CCDC171: variants seen among roughly 807,000 people sequenced by gnomAD.
CCDC171 encodes coiled-coil domain-containing protein 171.
CCDC171 carries 177 observed loss-of-function variants against 168.2 expected under a neutral mutation model. The observed-to-expected ratio is 1.05, with a 90% CI of 0.93 to 1.19. The LOEUF is 1.19. Ranked by LOEUF, CCDC171 falls within the 50% of genes most tolerant of loss-of-function variation. The pLI is 0.00. For missense variants in CCDC171, 1,991 were observed against 1,539.0 expected (o/e 1.29, Z -4.91); for synonymous variants, 687 against 540.8 (o/e 1.27, Z -3.75).
chr9:15,906,169 T>C (rs1822569656), intron 24 of CCDC171, among the ~76,000 whole-genome samples: 1 of 152,122 alleles, frequency 6.6e-6, no homozygotes, highest in South Asian at 2.1e-4. Flanking sequence ...CCTAACTCAT[T>C]TTATGAGGCC....
At chr9:15,931,681 A>C (rs1014367081) in intron 25 of CCDC171, among the ~76,000 whole-genome samples, 3 of 151,508 alleles carry the variant, frequency 2.0e-5, no homozygotes, top group Non-Finnish European at 3.0e-5. Flanking sequence ...GGTCTTACTC[A>C]AAAAATTCTT....
intron 1 of CCDC171, among the ~76,000 whole-genome samples, chr9:16,053,653 G>C (rs1173798840): frequency 6.6e-6 from 1 of 152,194 alleles, no homozygotes; most frequent in Non-Finnish European, 1.5e-5. Context: ...TCCATCAATG[G>C]TGGCAGCAGA....
chr9:15,813,604 A>ATT (rs1384482704), intron 21 of CCDC171, among the ~76,000 whole-genome samples: 1 of 119,898 alleles, frequency 8.3e-6, no homozygotes, highest in East Asian at 2.2e-4. Flanking sequence ...TTTTACATGT[A>ATT]TTTGTGTGTG....
Position 15,691,067 on chromosome 9 carries a change from A to C in CCDC171, c.1216-4168A>C, listed in dbSNP as rs1281568433. On this transcript the variant is annotated intron_variant, in intron 10 of 25. Transcript: ENST00000380701. ...AAAACAGTGTGTTTCCTTTTGCCTC[A>C]TTAAATCTATTTCTAGGAATTTATT... is the stretch of plus-strand genomic sequence containing the variant. 3.3e-5 allele frequency among the ~76,000 whole-genome samples: 5 copies of C among 152,174 alleles called. No homozygotes were observed. The East Asian group carries it at 9.6e-4, about 29-fold the overall frequency.
At chr9:15,645,593 G>C (rs1460752015) in intron 7 of CCDC171, among the ~76,000 whole-genome samples, 1 of 152,232 alleles carries the variant, frequency 6.6e-6, no homozygotes, top group African/African-American at 2.4e-5. Context: ...AGAACTACGT[G>C]ATGCATGCAC....
chr9:16,001,708 C>A (rs1000269595), intron 3 of CCDC171, among the ~76,000 whole-genome samples: 1 of 152,042 alleles, frequency 6.6e-6, no homozygotes, highest in Non-Finnish European at 1.5e-5. Flanking sequence ...ATGCAACTTG[C>A]ATGTTTGTGG....
downstream of CCDC171, chr9:16,061,392 TC>T (rs2133087151): frequency 6.6e-6 from 1 of 152,326 alleles, no homozygotes; most frequent in Non-Finnish European, 1.5e-5. Context: ...CAACAAACAC[TC>T]CATTGAGTCT....
At chr9:15,785,479 A>G (rs1231650571) in intron 21 of CCDC171, among the ~76,000 whole-genome samples, 1 of 152,128 alleles carries the variant, frequency 6.6e-6, no homozygotes, top group Non-Finnish European at 1.5e-5. Flanking sequence ...ATGATCAATG[A>G]TAAAATAGCC....
intron 7 of CCDC171, among the ~76,000 whole-genome samples, chr9:15,635,912 A>G (rs2046167379): frequency 1.3e-5 from 2 of 152,302 alleles, no homozygotes; most frequent in African/African-American, 2.4e-5. Context: ...CCAGCAAGGT[A>G]TAAGGGTTCT....
chr9:16,076,587 C>T, the CCDC171 span, among the ~76,000 whole-genome samples: 2 of 152,198 alleles, frequency 1.3e-5, no homozygotes, highest in East Asian at 3.8e-4. Context: ...CGGCAGCCTT[C>T]AGCTCTCTCC....
chr9:15,793,805 C>A (rs1686736521), intron 21 of CCDC171, among the ~76,000 whole-genome samples: 1 of 151,886 alleles, frequency 6.6e-6, no homozygotes, highest in Admixed American at 6.6e-5. Flanking sequence ...CCTCGGCCTC[C>A]CAAAGTGCTG....
At chr9:15,927,216 A>G (rs1423348879) in intron 25 of CCDC171, among the ~76,000 whole-genome samples, 1 of 151,652 alleles carries the variant, frequency 6.6e-6, no homozygotes, top group African/African-American at 2.4e-5. Flanking sequence ...TACACTTGCC[A>G]GTACTTTAAC....
chr9:16,044,303 G>A (rs1210785299), intron 1 of CCDC171, among the ~76,000 whole-genome samples: 2 of 152,164 alleles, frequency 1.3e-5, no homozygotes, highest in African/African-American at 2.4e-5. Flanking sequence ...GAAAAACAAT[G>A]TCCCTCCCTA....
chr9:15,869,931 A>G (rs1172010692), intron 23 of CCDC171, among the ~76,000 whole-genome samples: 1 of 151,926 alleles, frequency 6.6e-6, no homozygotes, highest in Non-Finnish European at 1.5e-5. Context: ...TGATAAAAGA[A>G]TATTATCTTT....
chr9:15,987,883 T>C (rs1457927334), intron 3 of CCDC171, among the ~76,000 whole-genome samples: 2 of 152,210 alleles, frequency 1.3e-5, no homozygotes, highest in African/African-American at 2.4e-5. Context: ...AAAGGAATTG[T>C]ATACAAAATT....
At chr9:15,920,543 C>A in intron 25 of CCDC171, 121 bp downstream of exon 25, 4 of 677,814 alleles carry the variant, frequency 5.9e-6, no homozygotes, top group Non-Finnish European at 6.8e-6. Context: ...AATGATCAAT[C>A]AAGTGACATA....
chr9:15,718,560 A>G (rs1037052083), intron 11 of CCDC171, among the ~76,000 whole-genome samples: 19 of 152,216 alleles, frequency 1.2e-4, no homozygotes, highest in African/African-American at 3.4e-4. Flanking sequence ...GACCTAGTGC[A>G]GTCCTACTGG....
chr9:15,661,002 C>T (rs1047397852), intron 8 of CCDC171, among the ~76,000 whole-genome samples: 4 of 151,626 alleles, frequency 2.6e-5, no homozygotes, highest in Non-Finnish European at 5.9e-5. Context: ...GTTTTTTTGC[C>T]GGGCGCGGGG....
chr9:16,028,883 C>G (rs1315432628), intron 6 of CCDC171, among the ~76,000 whole-genome samples: 3 of 152,170 alleles, frequency 2.0e-5, no homozygotes, highest in Non-Finnish European at 4.4e-5. Context: ...TAAGGCACTT[C>G]CAACCAACCT....
Sources: gnomAD v4.1 joint callset for allele counts (sites outside exome capture counted in the v4.1 genomes callset) on GRCh38, gnomAD v4.1.1 for gene constraint, MANE v1.5 for transcripts, NCBI Gene and HGNC (gene_info 2026-07-23, HGNC 2026-07-21) for gene names.